The following ATP10D variants were observed in gnomAD, a reference collection of about 807,000 sequenced individuals.
The protein encoded by ATP10D is phospholipid-transporting ATPase VD.
A neutral mutation model predicts 144.8 loss-of-function variants in ATP10D; 89 were observed. The observed-to-expected ratio is 0.61, with a 90% CI of 0.52 to 0.73. The LOEUF (loss-of-function observed/expected upper bound fraction) is 0.73, where lower values mean the gene tolerates loss of function less well. Among genes scored for constraint, ATP10D ranks in the 30% least tolerant of loss-of-function variants. ATP10D has a pLI of 0.00. For synonymous variants in ATP10D, 571 were observed against 615.1 expected (o/e 0.93, Z 1.06); for missense variants, 1,603 against 1,714.8 (o/e 0.93, Z 1.15).
chr4:47,587,669 G>C (rs1720854889), intron 22 of ATP10D, among the ~76,000 whole-genome samples: 3 of 152,104 alleles, frequency 2.0e-5, no homozygotes, highest in African/African-American at 7.2e-5. Context: ...ATGGCACCTT[G>C]AACACTGCAC....
At position 47,572,810 on chromosome 4, in the gene ATP10D, C is replaced by T. The variant is rs1250692511; in HGVS notation, c.3241-62C>T. On this transcript the variant is annotated intron_variant, in intron 17 of 22. Transcript: ENST00000273859. ...GGCCTAGGGTTTCCCAAGAATTGTG[C>T]TGTGTCTGTTCTAACATGTTTGATC... 6.7e-5 allele frequency: 108 copies of T among 1,604,930 alleles called. 1 individual carries two copies. The South Asian group carries it at 1.0e-3, about 15-fold the overall frequency.
intron 1 of ATP10D, among the ~76,000 whole-genome samples, chr4:47,502,530 G>T (rs993415780): frequency 2.7e-5 from 4 of 149,728 alleles, no homozygotes; most frequent in Non-Finnish European, 5.9e-5. Flanking sequence ...TTCAATGTCT[G>T]AATGGACCAT....
intron 19 of ATP10D, 65 bp downstream of exon 19, chr4:47,577,038 T>C: frequency 6.9e-7 from 1 of 1,457,702 alleles, no homozygotes; most frequent in African/African-American, 1.4e-5. Context: ...TGTGTTTTCT[T>C]AGTTAGCAAA....
At chr4:47,491,404 TA>T in intron 1 of ATP10D, 1 of 725,410 alleles carries the variant, frequency 1.4e-6, no homozygotes, top group South Asian at 1.4e-5. Flanking sequence ...CCATGTTTTC[TA>T]AAAGGCCTAG....
At chr4:47,492,518 T>G (rs1046475234) in intron 1 of ATP10D, among the ~76,000 whole-genome samples, 1 of 152,206 alleles carries the variant, frequency 6.6e-6, no homozygotes, top group Admixed American at 6.5e-5. Context: ...TATTTGTGTT[T>G]ATATACTATT....
chr4:47,571,440 G>T (rs1719949736), intron 16 of ATP10D, among the ~76,000 whole-genome samples: 1 of 151,922 alleles, frequency 6.6e-6, no homozygotes, highest in South Asian at 2.1e-4. Context: ...AATAGAAGAT[G>T]CTGATTGTAC....
chr4:47,584,786 T>A (rs1470174839), intron 21 of ATP10D, among the ~76,000 whole-genome samples: 1 of 152,212 alleles, frequency 6.6e-6, no homozygotes, highest in African/African-American at 2.4e-5. Context: ...ATTATTGTTT[T>A]AGCAGCATGA....
chr4:47,568,160 A>C (rs1403243034), intron 15 of ATP10D, among the ~76,000 whole-genome samples: 1 of 152,228 alleles, frequency 6.6e-6, no homozygotes, highest in African/African-American at 2.4e-5. Context: ...ACTAGTGTGG[A>C]GTGAGGATGT....
intron 5 of ATP10D, among the ~76,000 whole-genome samples, chr4:47,529,454 T>G (rs1039117896): frequency 1.3e-5 from 2 of 152,208 alleles, no homozygotes; most frequent in African/African-American, 4.8e-5. Flanking sequence ...GTTGTAGACA[T>G]GTGGCTTCAA....
chr4:47,569,623 C>T (rs1472402021), intron 16 of ATP10D, among the ~76,000 whole-genome samples: 3 of 152,090 alleles, frequency 2.0e-5, no homozygotes, highest in African/African-American at 7.2e-5. Context: ...AAGGAACTTA[C>T]ATCTAGTAGG....
intron 21 of ATP10D, among the ~76,000 whole-genome samples, chr4:47,584,907 T>G (rs527844599): frequency 4.6e-5 from 7 of 152,310 alleles, no homozygotes; most frequent in African/African-American, 1.7e-4. Context: ...GGAAATACTT[T>G]GCAAGATTAG....
chr4:47,509,464 A>G (rs542724788), intron 1 of ATP10D, among the ~76,000 whole-genome samples: 8 of 152,130 alleles, frequency 5.3e-5, no homozygotes, highest in Admixed American at 6.5e-5. Flanking sequence ...GAAGAATGTG[A>G]TGTTTTGATA....
Position 47,512,639 on chromosome 4 carries a change from G to T in ATP10D, c.99G>T (p.Leu33Phe). The T allele has an allele frequency of 6.2e-7, 1 of 1,614,136 alleles. No individual in the cohort carries two copies. The highest frequency in any genetic ancestry group is 8.5e-7 in the Non-Finnish European group (1 of 1,180,026). ...CAGGGCCATACAACTATTCCTCGTTGCTCGCCTGTGGGCGCAAGTCCTCTC... is the reference window on the plus strand; with the variant it reads ...CAGGGCCATACAACTATTCCTCGTTTCTCGCCTGTGGGCGCAAGTCCTCTC... ...DDSGPYNYSS[L>F]LACGRKSSQT... Residue 33 changes from leucine (L) to phenylalanine (F), a missense_variant, in exon 2 of 23, where the codon TTG becomes TTT. Transcript: ENST00000273859.
intron 10 of ATP10D, among the ~76,000 whole-genome samples, chr4:47,552,444 C>T (rs546829839): frequency 6.6e-6 from 1 of 152,164 alleles, no homozygotes; most frequent in Non-Finnish European, 1.5e-5. Context: ...CTTCCTGGTT[C>T]ATAAAAACAG....
At chr4:47,578,287 T>C (rs930800176) in intron 19 of ATP10D, 1 of 152,222 alleles carries the variant, frequency 6.6e-6, no homozygotes, top group Non-Finnish European at 1.5e-5. Flanking sequence ...TGTCATGAAA[T>C]ATACTCTCCA....
chr4:47,497,498 AG>A (rs1335555133), intron 1 of ATP10D, among the ~76,000 whole-genome samples: 1 of 152,100 alleles, frequency 6.6e-6, no homozygotes, highest in Admixed American at 6.6e-5. Context: ...GGAACTTGTT[AG>A]GGTGATACTG....
intron 1 of ATP10D, among the ~76,000 whole-genome samples, chr4:47,494,696 A>G (rs1203888492): frequency 1.3e-5 from 2 of 152,016 alleles, no homozygotes; most frequent in African/African-American, 4.8e-5. Flanking sequence ...CTTACCTACA[A>G]ACTTTTATTT....
intron 1 of ATP10D, chr4:47,491,002 G>A: frequency 1.4e-6 from 1 of 696,042 alleles, no homozygotes; most frequent in African/African-American, 1.8e-5. Context: ...GTGTTCATAG[G>A]GAAGAGGTTC....
chr4:47,573,065 A>G, intron 18 of ATP10D, 68 bp downstream of exon 18: 3 of 1,557,144 alleles, frequency 1.9e-6, no homozygotes, highest in Non-Finnish European at 2.6e-6. Flanking sequence ...TCAGGGATGA[A>G]GACGAAGTGT....
Sources: allele counts gnomAD v4.1 joint callset (sites outside exome capture counted in the v4.1 genomes callset), GRCh38; gene constraint gnomAD v4.1.1; transcripts MANE v1.5; gene names NCBI Gene and HGNC (gene_info 2026-07-23, HGNC 2026-07-21).